SUGCT: variants seen among roughly 807,000 people sequenced by gnomAD.
SUGCT encodes succinyl-CoA:glutarate CoA-transferase.
A neutral mutation model predicts 55.0 loss-of-function variants in SUGCT; 41 were observed. The observed-to-expected ratio is 0.74, with a 90% CI of 0.58 to 0.97. SUGCT has a LOEUF of 0.97. SUGCT is among the 50% of genes least tolerant of loss of function. The pLI, the probability that SUGCT is intolerant of heterozygous loss-of-function variation, is 0.00. For missense variants in SUGCT, 568 were observed against 547.8 expected (o/e 1.04, Z -0.37); for synonymous variants, 187 against 200.4 (o/e 0.93, Z 0.56).
At chr7:40,862,218 T>G (rs1794501632), downstream of SUGCT, among the ~76,000 whole-genome samples, 2 of 152,092 alleles carry the variant, frequency 1.3e-5, no homozygotes. Context: ...CCTAAAATTT[T>G]CAAATCCATG....
chr7:40,692,086 C>T (rs1784725441), intron 12 of SUGCT, among the ~76,000 whole-genome samples: 2 of 152,118 alleles, frequency 1.3e-5, no homozygotes, highest in Admixed American at 1.3e-4. Context: ...CTCACCTATC[C>T]TAGTCACTCG....
chr7:40,470,097 G>C (rs1790326137), intron 11 of SUGCT, among the ~76,000 whole-genome samples: 1 of 152,028 alleles, frequency 6.6e-6, no homozygotes, highest in Non-Finnish European at 1.5e-5. Flanking sequence ...TTTTTGGGAG[G>C]GGGAAGGTAC....
chr7:40,267,524 A>G (rs902635224), intron 7 of SUGCT, among the ~76,000 whole-genome samples: 34 of 152,208 alleles, frequency 2.2e-4, no homozygotes, highest in African/African-American at 8.2e-4. Flanking sequence ...TTTTTACTAA[A>G]GATTTTGAGT....
rs188925293 is a variant in SUGCT at position 40,575,402 on chromosome 7, C to T, written c.1089+79016C>T. Among the ~76,000 whole-genome samples, 75 of 152,162 alleles carry T rather than the reference C, an allele frequency of 4.9e-4. No homozygotes were observed. In the East Asian group the frequency reaches 0.011, roughly 23 times the overall value. ...GTTCCTAATTATCCCAGGATAGTGA[C>T]GTAGGGATGGCATATTCAAATTACT... On this transcript the variant is annotated intron_variant, in intron 12 of 13. Transcript: ENST00000335693.
chr7:40,481,367 A>G (rs893502679), intron 11 of SUGCT, among the ~76,000 whole-genome samples: 1 of 150,690 alleles, frequency 6.6e-6, no homozygotes, highest in Non-Finnish European at 1.5e-5. Context: ...ATATATATAT[A>G]ATATTTCCTA....
the SUGCT span, among the ~76,000 whole-genome samples, chr7:40,920,276 A>G: frequency 2.6e-5 from 4 of 152,182 alleles, no homozygotes; most frequent in Non-Finnish European, 5.9e-5. Flanking sequence ...GGCATATATG[A>G]TGCCCATGAT....
intron 13 of SUGCT, among the ~76,000 whole-genome samples, chr7:40,851,527 G>A (rs4085300): frequency 0.2 from 29,893 of 152,074 alleles, 3,855 homozygotes; most frequent in East Asian, 0.69. Context: ...CTTCCATGAA[G>A]TTGATCAGTT....
intron 12 of SUGCT, among the ~76,000 whole-genome samples, chr7:40,582,835 T>C (rs571881412): frequency 8.4e-4 from 128 of 152,326 alleles, no homozygotes; most frequent in African/African-American, 3.0e-3. Context: ...ATATTAGCTC[T>C]GTATCCAAAA....
intron 12 of SUGCT, among the ~76,000 whole-genome samples, chr7:40,523,078 A>G (rs1265680106): frequency 6.6e-6 from 1 of 152,128 alleles, no homozygotes; most frequent in African/African-American, 2.4e-5. Flanking sequence ...TGTCAATGGA[A>G]TTAAGAAAGA....
chr7:40,748,985 A>G (rs1383261460), intron 12 of SUGCT, among the ~76,000 whole-genome samples: 8 of 152,106 alleles, frequency 5.3e-5, no homozygotes, highest in Non-Finnish European at 1.2e-4. Context: ...CTGACTCCCC[A>G]TACCTTCTGC....
At chr7:40,972,383 G>A in the SUGCT span, among the ~76,000 whole-genome samples, 6 of 152,202 alleles carry the variant, frequency 3.9e-5, no homozygotes, top group South Asian at 1.2e-3. Flanking sequence ...ATGGATGCTG[G>A]TAGAAGACAT....
chr7:40,264,145 C>T (rs924445940), intron 7 of SUGCT, among the ~76,000 whole-genome samples: 2 of 152,118 alleles, frequency 1.3e-5, no homozygotes, highest in African/African-American at 4.8e-5. Flanking sequence ...AGACACTGAT[C>T]TCTAAACAAC....
chr7:40,827,449 C>T (rs1254085569), intron 13 of SUGCT, among the ~76,000 whole-genome samples: 3 of 152,160 alleles, frequency 2.0e-5, no homozygotes. Context: ...AAGGGACAAA[C>T]AGAGCTGCTG....
chr7:40,971,415 C>A, the SUGCT span, among the ~76,000 whole-genome samples: 1 of 152,044 alleles, frequency 6.6e-6, no homozygotes, highest in Non-Finnish European at 1.5e-5. Context: ...GATAGAGAGA[C>A]CAGTTCAAAG....
At chr7:40,781,642 AGTTTTTAAAAAGTTCAGGGGTCTACTGAT>A (rs1789757003) in intron 13 of SUGCT, among the ~76,000 whole-genome samples, 5 of 152,190 alleles carry the variant, frequency 3.3e-5, no homozygotes, top group Admixed American at 6.5e-5. Flanking sequence ...GAATGAATAG[AGTTTTTAAAAAGTTCAGGGGTCTACTGAT>A]GGTTGAGTCA....
At chr7:40,790,355 T>C (rs1320208238) in intron 13 of SUGCT, among the ~76,000 whole-genome samples, 1 of 152,200 alleles carries the variant, frequency 6.6e-6, no homozygotes, top group Non-Finnish European at 1.5e-5. Context: ...ATTATAAGTT[T>C]CCTGAGGCCT....
chr7:41,020,809 A>G, the SUGCT span, among the ~76,000 whole-genome samples: 1 of 152,350 alleles, frequency 6.6e-6, no homozygotes, highest in Admixed American at 6.5e-5. Context: ...TATAAAACAT[A>G]TCTCAGGGGA....
intron 12 of SUGCT, among the ~76,000 whole-genome samples, chr7:40,675,478 T>C (rs1452151128): frequency 1.3e-5 from 2 of 152,244 alleles, no homozygotes; most frequent in African/African-American, 4.8e-5. Context: ...AGTAGTTAAC[T>C]GTGCAAGTTT....
intron 13 of SUGCT, among the ~76,000 whole-genome samples, chr7:40,787,888 G>A (rs368163631): frequency 6.6e-6 from 1 of 152,070 alleles, no homozygotes; most frequent in Admixed American, 6.6e-5. Flanking sequence ...GCCCATCCCC[G>A]CATCAAAAGT....
Sources: allele counts gnomAD v4.1 joint callset (sites outside exome capture counted in the v4.1 genomes callset), GRCh38; gene constraint gnomAD v4.1.1; transcripts MANE v1.5; gene names NCBI Gene and HGNC (gene_info 2026-07-23, HGNC 2026-07-21).